CSMD2: variants seen among roughly 807,000 people sequenced by gnomAD.
CSMD2 encodes the protein CUB and sushi domain-containing protein 2.
Under a neutral mutation model 398.5 loss-of-function variants are expected in CSMD2, and 130 were observed. The observed-to-expected ratio is 0.33, with a 90% CI of 0.28 to 0.38. CSMD2 has a LOEUF of 0.38. Ranked by LOEUF, CSMD2 falls within the 10% of genes least tolerant of loss-of-function variation. The pLI is 1.00. For synonymous variants in CSMD2, 1,828 were observed against 1,908.5 expected, an observed-to-expected ratio of 0.96 and a Z score of 1.10; for missense variants, 3,829 against 4,764.9, an observed-to-expected ratio of 0.80 and a Z score of 5.78.
intron 65 of CSMD2, among the ~76,000 whole-genome samples, chr1:33,526,870 G>A (rs1039887241): frequency 4.6e-5 from 7 of 152,164 alleles, no homozygotes; most frequent in Non-Finnish European, 1.5e-5. Context: ...AAGCTCCCTG[G>A]GTATGGCCTG....
chr1:33,533,213 C>G lies in CSMD2; in HGVS notation c.10008G>C (p.Gln3336His). The G allele has an allele frequency of 6.2e-7, 1 of 1,613,904 alleles. No individual in the cohort carries two copies. The highest frequency in any genetic ancestry group is 1.6e-4 in the Middle Eastern group (1 of 6,062). The part of the protein sequence containing the change: ...PPDCVPHHCR[Q>H]PETPTHANVG... ...CGTTGGCATGCGTTGGCGTCTCTGGCTGCCTGCAGTGGTGGGCTGGATGAG... is the reference window on the plus strand; with the variant it reads ...CGTTGGCATGCGTTGGCGTCTCTGGGTGCCTGCAGTGGTGGGCTGGATGAG... The change falls in exon 64 of 71, where the codon CAG becomes CAC. Residue 3336 changes from glutamine to histidine, a missense_variant. Physicochemically the swap from Gln to His is conservative, Grantham distance 24. Transcript: ENST00000373381. This position sits in a 1 kb window ranked among gnomAD's most constrained non-coding sequence, Gnocchi z 4.2.
chr1:33,558,231 T>C (rs1369201251), intron 54 of CSMD2, among the ~76,000 whole-genome samples: 1 of 152,232 alleles, frequency 6.6e-6, no homozygotes, highest in African/African-American at 2.4e-5. Context: ...ACGAGTCCCT[T>C]GAGGGCATGA....
chr1:34,040,591 C>T (rs1050936017), intron 2 of CSMD2, among the ~76,000 whole-genome samples: 1 of 152,190 alleles, frequency 6.6e-6, no homozygotes, highest in African/African-American at 2.4e-5. Context: ...GAATGGCCAA[C>T]TATTTGGTGT....
intron 28 of CSMD2, among the ~76,000 whole-genome samples, chr1:33,649,246 G>A (rs567120817): frequency 6.6e-6 from 1 of 152,304 alleles, no homozygotes; most frequent in Non-Finnish European, 1.5e-5. Flanking sequence ...CCCAGCCATG[G>A]TCTGGGATAC....
intron 14 of CSMD2, among the ~76,000 whole-genome samples, chr1:33,740,284 CG>C (rs1647015566): frequency 1.4e-5 from 1 of 71,624 alleles, no homozygotes; most frequent in Admixed American, 1.4e-4. Flanking sequence ...TAAATGTCTC[CG>C]AAGCCAGGCT....
At chr1:33,987,630 G>A (rs191924025) in intron 3 of CSMD2, among the ~76,000 whole-genome samples, 21 of 152,170 alleles carry the variant, frequency 1.4e-4, no homozygotes, top group African/African-American at 4.1e-4. Flanking sequence ...AAATTGCAAG[G>A]CTTGACCTCC....
chr1:33,936,136 T>C (rs1165807128), intron 3 of CSMD2, among the ~76,000 whole-genome samples, 182 bp from the exon 4 acceptor site: 1 of 152,212 alleles, frequency 6.6e-6, no homozygotes, highest in African/African-American at 2.4e-5. Context: ...TCCCTGGGAA[T>C]GGGTTACTCA....
chr1:33,922,216 G>A lies in CSMD2; in HGVS notation c.713-3915C>T, dbSNP rs1185711028. On this transcript the variant is annotated intron_variant, in intron 4 of 70. Coordinates refer to ENST00000373381, the MANE Select transcript of CSMD2 (RefSeq NM_001281956.2). ...AGGCAGGGAATCAGCAGGACAGAGA[G>A]GGAAGCTCCCACCACAGGAGTGGAG... Among the ~76,000 whole-genome samples the A allele has an allele frequency of 5.9e-5, 9 of 152,292 alleles. No individual in the cohort carries two copies. The East Asian group carries it at 1.4e-3, about 23-fold the overall frequency.
chr1:33,912,072 A>G (rs546844504), intron 5 of CSMD2, among the ~76,000 whole-genome samples: 4 of 152,144 alleles, frequency 2.6e-5, no homozygotes, highest in African/African-American at 9.7e-5. Context: ...GCCCCAGGAC[A>G]GTGTCCTCCT....
intron 22 of CSMD2, among the ~76,000 whole-genome samples, chr1:33,707,890 T>A (rs1326184716): frequency 1.3e-5 from 2 of 152,220 alleles, no homozygotes; most frequent in African/African-American, 4.8e-5. Context: ...TCCAGAGTAG[T>A]GGGCTCTGGT....
chr1:33,725,792 C>A (rs942432935), intron 16 of CSMD2, among the ~76,000 whole-genome samples: 24 of 152,280 alleles, frequency 1.6e-4, no homozygotes, highest in African/African-American at 5.8e-4. Flanking sequence ...AGCTTAAGAC[C>A]TAGAGGCACA....
intron 2 of CSMD2, among the ~76,000 whole-genome samples, chr1:34,067,687 A>G (rs1655264746): frequency 6.6e-6 from 1 of 152,244 alleles, no homozygotes; most frequent in Non-Finnish European, 1.5e-5. Flanking sequence ...GCCCCTTTCC[A>G]GAGCAGTTTG....
intron 7 of CSMD2, 82 bp downstream of exon 7, chr1:33,825,615 T>C (rs1318415761): frequency 2.0e-5 from 25 of 1,222,212 alleles, no homozygotes; most frequent in Admixed American, 5.5e-5. Context: ...TCCAGCATCA[T>C]CTGGCTTCCC....
At chr1:33,763,529 G>C (rs1348174) in intron 13 of CSMD2, among the ~76,000 whole-genome samples, 11,879 of 152,232 alleles carry the variant, frequency 0.078, 625 homozygotes, top group Non-Finnish European at 0.11. Context: ...TAAAGTACCT[G>C]ACTGTTTAGG....
At chr1:33,804,549 C>T (rs754058262) in intron 10 of CSMD2, among the ~76,000 whole-genome samples, 21 of 151,080 alleles carry the variant, frequency 1.4e-4, no homozygotes, top group Non-Finnish European at 2.7e-4. Flanking sequence ...GACTTACCTG[C>T]ACTCTTTTTT....
chr1:33,567,500 A>C, intron 53 of CSMD2, 93 bp downstream of exon 53: 4 of 923,328 alleles, frequency 4.3e-6, no homozygotes, highest in East Asian at 6.4e-5. Flanking sequence ...TATATATTTA[A>C]AACAAACCTC....
intron 1 of CSMD2, among the ~76,000 whole-genome samples, chr1:34,092,578 A>G (rs1398631846): frequency 6.6e-6 from 1 of 152,156 alleles, no homozygotes; most frequent in Non-Finnish European, 1.5e-5. Flanking sequence ...AAGCAGGGCG[A>G]GGCATTGCCT....
intron 53 of CSMD2, among the ~76,000 whole-genome samples, chr1:33,563,574 T>C (rs1658776017): frequency 1.3e-5 from 2 of 152,250 alleles, no homozygotes; most frequent in South Asian, 2.1e-4. Context: ...CTCACAACCC[T>C]ATGAGGTAGG....
intron 19 of CSMD2, 86 bp downstream of exon 19, chr1:33,724,110 GA>G: frequency 1.1e-6 from 1 of 869,974 alleles, no homozygotes; most frequent in Non-Finnish European, 2.0e-6. Context: ...TATCTAGGGA[GA>G]TCCCCATTGA....
Sources: gnomAD v4.1 joint callset for allele counts (sites outside exome capture counted in the v4.1 genomes callset) on GRCh38, gnomAD v4.1.1 for gene constraint, Gnocchi (gnomAD v3.1) non-coding constraint, MANE v1.5 for transcripts, NCBI Gene and HGNC (gene_info 2026-07-23, HGNC 2026-07-21) for gene names.